Variants in USP1 observed in about 807,000 individuals in gnomAD.
The protein encoded by USP1 is ubiquitin carboxyl-terminal hydrolase 1.
Under a neutral mutation model 72.2 loss-of-function variants are expected in USP1, and 18 were observed. The observed-to-expected ratio is 0.25, with a 90% CI of 0.17 to 0.37. The LOEUF is 0.37. USP1 is among the 10% of genes least tolerant of loss of function. USP1 has a pLI of 1.00. For synonymous variants in USP1, 354 were observed against 303.7 expected (o/e 1.17, Z -1.72); for missense variants, 759 against 884.9 (o/e 0.86, Z 1.81).
chr1:62,449,069 A>C (rs1040684620), intron 8 of USP1, among the ~76,000 whole-genome samples: 6 of 152,110 alleles, frequency 3.9e-5, no homozygotes, highest in Non-Finnish European at 7.4e-5. Flanking sequence ...TTTTTAGTAG[A>C]GACAGGATTT....
At chr1:62,444,660 A>G (rs1645157362) in intron 5 of USP1, 78 bp from the exon 6 acceptor site, 1 of 1,119,202 alleles carries the variant, frequency 8.9e-7, no homozygotes, top group Non-Finnish European at 1.2e-6. Flanking sequence ...TTTTCCTTAC[A>G]TGAATTAATT....
In USP1 at chr1:62,450,292, T is replaced by C. The variant is rs373613830; in HGVS notation, c.1669T>C (p.Leu557=). 70 of 1,614,068 alleles carry C rather than the reference T, an allele frequency of 4.3e-5. 1 individual carries two copies. The highest frequency in any genetic ancestry group is 3.2e-4 in the South Asian group (29 of 91,092). Residue 557 remains leucine, a synonymous_variant, in exon 9 of 9, where the codon TTG becomes CTG. Transcript: ENST00000339950. ...GGLSKINTPL[L]TPLKLSLEEW... ...ACTTTCCAAGATCAACACTCCTTTA[T>C]TGACACCTCTTAAATTGTCACTAGA...
In USP1 at chr1:62,450,661, C is replaced by A. The variant is rs1181494536; in HGVS notation, c.2038C>A (p.Leu680Ile). The A allele has an allele frequency of 1.2e-6, 2 of 1,614,008 alleles. No homozygotes were observed. Among genetic ancestry groups the A allele is most frequent in the Non-Finnish European group, 1.7e-6 (2 of 1,180,024 alleles). Residue 680 changes from leucine (L) to isoleucine (I), a missense_variant, in exon 9 of 9, where the codon CTA becomes ATA. Physicochemically the swap from Leu to Ile is conservative, Grantham distance 5 (BLOSUM62 2). Around this residue, in one of 9 missense-constraint regions of USP1, gnomAD observed 159 missense variants for 140.9 expected, o/e 1.13. Coordinates refer to ENST00000339950, the MANE Select transcript of USP1 (RefSeq NM_003368.5). The part of the protein sequence containing the change: ...GGQKSKADYE[L>I]YNKASNPDKV... ...ACAAAAGAGCAAAGCAGATTATGAG[C>A]TATACAACAAAGCCTCTAATCCTGA...
intron 7 of USP1, 116 bp from the exon 8 acceptor site, chr1:62,448,349 T>C (rs1443729330): frequency 8.4e-6 from 8 of 956,266 alleles, no homozygotes; most frequent in Non-Finnish European, 1.2e-5. Flanking sequence ...TCTCTTTAGT[T>C]ATTTAGGAAT....
In USP1 at chr1:62,437,230, C is replaced by A. The variant is rs1252386258; in HGVS notation, c.-240C>A. 7.5e-6 allele frequency: 3 copies of A among 398,256 alleles called. No individual in the cohort carries two copies. Among genetic ancestry groups the A allele is most frequent in the Non-Finnish European group, 1.3e-5 (3 of 225,920 alleles). The allele number at this position is 398,256 out of a possible 1,614,324, so 24.7% of individuals were successfully genotyped here. A position where few individuals can be genotyped will look rare whatever the true frequency, so the allele number is the denominator to read the frequency against. On this transcript the variant is annotated 5_prime_UTR_variant, in exon 1 of 9. Transcript: ENST00000339950. ...GGGAGCGAGCGGCGGTCGGGGTTCC[C>A]GCTCTTGGGAGCGGATGGTCACTCC...
intron 2 of USP1, 97 bp from the exon 3 acceptor site, chr1:62,441,391 A>T: frequency 7.4e-7 from 1 of 1,345,588 alleles, no homozygotes; most frequent in Admixed American, 3.2e-5. Flanking sequence ...TTTTCAGATT[A>T]TACAACTTTT....
upstream of USP1, chr1:62,436,472 G>A (rs1645088094): frequency 6.6e-6 from 1 of 152,280 alleles, no homozygotes; most frequent in Non-Finnish European, 1.5e-5. Flanking sequence ...CACTCCGTAT[G>A]TCGAACAATG....
chr1:62,437,694 C>T (rs1173581315), intron 1 of USP1, among the ~76,000 whole-genome samples: 1 of 152,256 alleles, frequency 6.6e-6, no homozygotes, highest in East Asian at 1.9e-4. Flanking sequence ...AGCCTGGTCG[C>T]TGCTCGTCCT....
Position 62,437,291 on chromosome 1 carries a change from G to C in USP1, c.-179G>C. Reference sequence around the variant, plus strand: ...GGGCGAGCCGACCAGATTTTCCTGGGGCCGGGGACCCGGCGGGCTCGGGGC... The same window carrying C: ...GGGCGAGCCGACCAGATTTTCCTGGCGCCGGGGACCCGGCGGGCTCGGGGC... On this transcript the variant is annotated 5_prime_UTR_variant, in exon 1 of 9. Coordinates refer to ENST00000339950, the MANE Select transcript of USP1 (RefSeq NM_003368.5). 1 of 397,302 alleles carries C rather than the reference G, an allele frequency of 2.5e-6. No homozygotes were observed. The allele number at this position is 397,302 out of a possible 1,614,324, so 24.6% of individuals were successfully genotyped here.
Position 62,448,497 on chromosome 1 carries a change from C to T in USP1, c.1453C>T (p.Leu485=). 2 of 1,613,856 alleles carry T rather than the reference C, an allele frequency of 1.2e-6. No homozygotes were observed. Among genetic ancestry groups the T allele is most frequent in the Non-Finnish European group, 1.7e-6 (2 of 1,179,912 alleles). ...SPEPKTEMKT[L]RWAISQFASV... is the part of the protein sequence containing the mutation. ...AGAGCCAAAAACAGAAATGAAGACC[C>T]TGAGATGGGCAATTTCACAATTTGC... Residue 485 remains leucine (L), a synonymous_variant, in exon 8 of 9, where the codon CTG becomes TTG. Coordinates refer to ENST00000339950, the MANE Select transcript of USP1 (RefSeq NM_003368.5).
At chr1:62,440,228 T>A (rs1423853129) in intron 2 of USP1, among the ~76,000 whole-genome samples, 191 bp downstream of exon 2, 2 of 152,192 alleles carry the variant, frequency 1.3e-5, no homozygotes, top group Non-Finnish European at 2.9e-5. Flanking sequence ...ATCACATCGA[T>A]AATGTTTAAC....
intron 1 of USP1, among the ~76,000 whole-genome samples, chr1:62,439,517 T>C (rs1012004954): frequency 6.6e-6 from 1 of 152,224 alleles, no homozygotes; most frequent in African/African-American, 2.4e-5. Context: ...TTATACTATT[T>C]TACTGTAGGT....
chr1:62,443,851 C>CT (rs1358945757), intron 5 of USP1, among the ~76,000 whole-genome samples: 5 of 152,226 alleles, frequency 3.3e-5, no homozygotes, highest in Middle Eastern at 3.4e-3. Flanking sequence ...AAAAATGAAA[C>CT]TTTACATATA....
At chr1:62,436,603 T>C (rs1238911846), upstream of USP1, 1 of 152,274 alleles carries the variant, frequency 6.6e-6, no homozygotes. Flanking sequence ...GGAGGCGCGG[T>C]TTTGGGGATT....
chr1:62,437,121 C>A lies in USP1; in HGVS notation c.-349C>A, dbSNP rs1645093717. 3 of 399,070 alleles carry A rather than the reference C, an allele frequency of 7.5e-6. No individual in the cohort carries two copies. Among genetic ancestry groups the A allele is most frequent in the African/African-American group, 6.2e-5 (3 of 48,658 alleles). The allele number at this position is 399,070 out of a possible 1,614,324, so 24.7% of individuals were successfully genotyped here. A position where few individuals can be genotyped will look rare whatever the true frequency, so the allele number is the denominator to read the frequency against. On this transcript the variant is annotated 5_prime_UTR_variant, in exon 1 of 9. Transcript: ENST00000339950. ...CGGTTCAGGCGTTCGGCGAGCGGGG[C>A]CGCTGCTTGTTGCGCTCCTGGCTCT...
intron 6 of USP1, among the ~76,000 whole-genome samples, chr1:62,446,013 T>C (rs1645170407): frequency 6.6e-6 from 1 of 152,092 alleles, no homozygotes; most frequent in African/African-American, 2.4e-5. Flanking sequence ...GTAGGGAAGT[T>C]CAGTATATTT....
At position 62,437,270 on chromosome 1, in the gene USP1, G is replaced by A. The variant is rs1234522665; in HGVS notation, c.-200G>A. 2.5e-6 allele frequency: 1 copy of A among 397,706 alleles called. No individual in the cohort carries two copies. The highest frequency in any genetic ancestry group is 2.1e-5 in the African/African-American group (1 of 48,630). The allele number at this position is 397,706 out of a possible 1,614,324, so 24.6% of individuals were successfully genotyped here. On this transcript the variant is annotated 5_prime_UTR_variant, in exon 1 of 9. Coordinates refer to ENST00000339950, the MANE Select transcript of USP1 (RefSeq NM_003368.5). ...ATGGTCACTCCCCCGCGGGGAGGGC[G>A]AGCCGACCAGATTTTCCTGGGGCCG...
At position 62,450,315 on chromosome 1, in the gene USP1, A is replaced by G. The variant is rs201794681; in HGVS notation, c.1692A>G (p.Leu564=). 9.5e-5 allele frequency: 153 copies of G among 1,614,168 alleles called. No individual in the cohort carries two copies. In the East Asian group the frequency reaches 3.3e-3, roughly 35 times the overall value. The change falls in exon 9 of 9, where the codon CTA becomes CTG. Residue 564 remains leucine, a synonymous_variant. Coordinates refer to ENST00000339950, the MANE Select transcript of USP1 (RefSeq NM_003368.5). ...TATTGACACCTCTTAAATTGTCACT[A>G]GAAGAATGGAGCACAAAGCCAACTA... The part of the protein sequence containing the change: ...TPLLTPLKLS[L]EEWSTKPTND...
intron 1 of USP1, among the ~76,000 whole-genome samples, chr1:62,438,934 A>C (rs755795952): frequency 1.3e-5 from 2 of 152,190 alleles, no homozygotes; most frequent in African/African-American, 4.8e-5. Flanking sequence ...CTTGTGTTTT[A>C]TCTTTCACTT....
Sources: gnomAD v4.1 joint callset for allele counts (sites outside exome capture counted in the v4.1 genomes callset) on GRCh38, gnomAD v4.1.1 for gene constraint, gnomAD v4.1.1 regional missense constraint, MANE v1.5 for transcripts, NCBI Gene and HGNC (gene_info 2026-07-23, HGNC 2026-07-21) for gene names.